The following HFM1 variants were observed in gnomAD, a reference collection of about 807,000 sequenced individuals.
The protein encoded by HFM1 is probable ATP-dependent DNA helicase HFM1.
Under a neutral mutation model 192.1 loss-of-function variants are expected in HFM1, and 169 were observed. That is an observed-to-expected ratio of 0.88 (90% CI 0.78 to 1.00). The LOEUF (loss-of-function observed/expected upper bound fraction) is 1.00. HFM1 is among the 50% of genes least tolerant of loss of function. The pLI is 0.00. For synonymous variants in HFM1, 525 were observed against 537.8 expected (o/e 0.98, Z 0.33); for missense variants, 1,661 against 1,668.0 (o/e 1.00, Z 0.07).
chr1:91,328,672 G>A, intron 20 of HFM1: 1 of 1,597,054 alleles, frequency 6.3e-7, no homozygotes, highest in Non-Finnish European at 8.6e-7. Context: ...AGGCGAGCTG[G>A]CCAAATGCAG....
chr1:91,305,361 T>C (rs1306166380), intron 30 of HFM1, among the ~76,000 whole-genome samples: 1 of 152,180 alleles, frequency 6.6e-6, no homozygotes, highest in Non-Finnish European at 1.5e-5. Flanking sequence ...GTTTTGTAGT[T>C]TTCAGTGTTC....
intron 23 of HFM1, among the ~76,000 whole-genome samples, chr1:91,321,989 G>A (rs554452231): frequency 1.3e-5 from 2 of 152,234 alleles, no homozygotes; most frequent in East Asian, 3.9e-4. Flanking sequence ...CATAACCTTG[G>A]CGAAGTCATA....
chr1:91,266,066 G>C lies in HFM1; in HGVS notation c.3925C>G (p.Leu1309Val), dbSNP rs1160623243. 2 of 1,586,072 alleles carry C rather than the reference G, an allele frequency of 1.3e-6. No individual in the cohort carries two copies. The highest frequency in any genetic ancestry group is 2.3e-5 in the South Asian group (2 of 86,068). Residue 1309 changes from leucine to valine, a missense_variant, in exon 36 of 39, where the codon CTA becomes GTA. By Grantham distance (32) the Leu-to-Val change is conservative (BLOSUM62 1). Transcript: ENST00000370425. The stretch of plus-strand genomic sequence containing the variant: ...TTGCTCTTTGACTCTTGAAGGGGTA[G>C]CTTACTTCCCCTGGTACTTGAACTC... The part of the protein sequence containing the change: ...TLSSSTRGSK[L>V]PLQESKSKFQ...
chr1:91,389,997 C>T (rs1286503811), intron 4 of HFM1, among the ~76,000 whole-genome samples: 2 of 152,330 alleles, frequency 1.3e-5, no homozygotes, highest in Middle Eastern at 3.4e-3. Context: ...TGAAAACACA[C>T]ATTCACACAA....
At chr1:91,366,155 A>C (rs1432404678) in intron 13 of HFM1, among the ~76,000 whole-genome samples, 1 of 152,178 alleles carries the variant, frequency 6.6e-6, no homozygotes, top group Admixed American at 6.5e-5. Context: ...AAATTAGCTA[A>C]TTTGTTCACA....
chr1:91,315,865 G>T lies in HFM1; in HGVS notation c.3090C>A (p.Thr1030=). 6.2e-7 allele frequency: 1 copy of T among 1,611,134 alleles called. No homozygotes were observed. Among genetic ancestry groups the T allele is most frequent in the Non-Finnish European group, 8.5e-7 (1 of 1,177,872 alleles). ...GATTATCTGCGTCACCTATGATTAAGGTAACATAGTGAGAATCCGATGCTG... is the reference window on the plus strand; with the variant it reads ...GATTATCTGCGTCACCTATGATTAATGTAACATAGTGAGAATCCGATGCTG... The part of the protein sequence containing the change: ...KRTASDSHYV[T]LIIGDADNQV... Residue 1030 remains threonine (T), a synonymous_variant, in exon 28 of 39, where the codon ACC becomes ACA. Coordinates refer to ENST00000370425, the MANE Select transcript of HFM1 (RefSeq NM_001017975.6).
intron 13 of HFM1, 79 bp downstream of exon 13, chr1:91,375,279 G>C: frequency 3.1e-6 from 3 of 966,114 alleles, no homozygotes; most frequent in Non-Finnish European, 4.8e-6. Context: ...CAAGGTTATG[G>C]GACAAGCCTA....
intron 21 of HFM1, among the ~76,000 whole-genome samples, chr1:91,323,509 T>C (rs897055951): frequency 5.9e-5 from 9 of 152,152 alleles, no homozygotes; most frequent in Admixed American, 3.3e-4. Context: ...TAGTAATAAA[T>C]AAGTCCTCAA....
At chr1:91,373,902 T>A (rs1660578586) in intron 13 of HFM1, among the ~76,000 whole-genome samples, 1 of 152,086 alleles carries the variant, frequency 6.6e-6, no homozygotes, top group African/African-American at 2.4e-5. Context: ...AGGATGAACA[T>A]GAGTCCCCCT....
At position 91,313,497 on chromosome 1, in the gene HFM1, T is replaced by G. The variant is rs780965851; in HGVS notation, c.3245-2A>C. The G allele has an allele frequency of 6.4e-7, 1 of 1,560,536 alleles. No homozygotes were observed. Among genetic ancestry groups the G allele is most frequent in the Non-Finnish European group, 8.7e-7 (1 of 1,155,526 alleles). Reference sequence around the variant, plus strand: ...GTTTCTGCTGAATATCAAGCCCAACTGGAAAATGAAAAAAAAGTACACAAA... The same window carrying G: ...GTTTCTGCTGAATATCAAGCCCAACGGGAAAATGAAAAAAAAGTACACAAA... On this transcript the variant is annotated splice_acceptor_variant, in intron 29 of 38. Transcript: ENST00000370425. LOFTEE classifies it high-confidence loss of function.
rs375395981 is a variant in HFM1, at chr1:91,342,159, G to A, written c.2335+1271C>T. Among the ~76,000 whole-genome samples, 28 of 98,518 alleles carry A rather than the reference G, an allele frequency of 2.8e-4. 1 individual carries two copies. Among genetic ancestry groups the A allele is most frequent in the African/African-American group, 9.5e-4 (26 of 27,244 alleles). The allele number at this position is 98,518 out of a possible 152,430, so 64.6% of individuals were successfully genotyped here. A position where few individuals can be genotyped will look rare whatever the true frequency, so the allele number is the denominator to read the frequency against. On this transcript the variant is annotated intron_variant, in intron 20 of 38. Coordinates refer to ENST00000370425, the MANE Select transcript of HFM1 (RefSeq NM_001017975.6). ...AAAAAAAAAAAAAAAAAATTCAGGC[G>A]AATATTCCTGATGAACATAGATGCA...
At chr1:91,313,794 T>A (rs1197354973) in intron 29 of HFM1, among the ~76,000 whole-genome samples, 163 bp downstream of exon 29, 1 of 152,112 alleles carries the variant, frequency 6.6e-6, no homozygotes, top group African/African-American at 2.4e-5. Context: ...GTTTTACATA[T>A]CTAAATACAT....
intron 32 of HFM1, among the ~76,000 whole-genome samples, chr1:91,275,855 T>C (rs1043557469): frequency 1.3e-5 from 2 of 152,212 alleles, no homozygotes; most frequent in Non-Finnish European, 2.9e-5. Flanking sequence ...AGAGTGACTT[T>C]TACAAAATAC....
At chr1:91,344,256 A>G (rs1440398175) in intron 19 of HFM1, among the ~76,000 whole-genome samples, 1 of 152,222 alleles carries the variant, frequency 6.6e-6, no homozygotes, top group Non-Finnish European at 1.5e-5. Flanking sequence ...AGTTCAGAGC[A>G]GACAGTGGGA....
intron 6 of HFM1, 60 bp downstream of exon 6, chr1:91,385,127 T>C: frequency 1.0e-6 from 1 of 964,606 alleles, no homozygotes. Context: ...ATTAAACAAA[T>C]GTTTTAAAAT....
intron 28 of HFM1, among the ~76,000 whole-genome samples, chr1:91,314,762 C>T (rs1231613390): frequency 6.6e-6 from 1 of 152,098 alleles, no homozygotes; most frequent in Non-Finnish European, 1.5e-5. Context: ...AGCCAGCAAC[C>T]ATTTTTATGA....
At chr1:91,314,214 T>A (rs560757471) in intron 28 of HFM1, among the ~76,000 whole-genome samples, 154 bp from the exon 29 acceptor site, 23 of 152,312 alleles carry the variant, frequency 1.5e-4, no homozygotes, top group African/African-American at 5.5e-4. Context: ...GGAGGGAGAA[T>A]AAAGTATCAA....
At chr1:91,379,807 G>A (rs917916057) in intron 8 of HFM1, among the ~76,000 whole-genome samples, 4 of 152,038 alleles carry the variant, frequency 2.6e-5, no homozygotes, top group Non-Finnish European at 5.9e-5. Context: ...TAAGAAAGGA[G>A]AGTAAAAGTT....
At chr1:91,370,064 C>T (rs1659950091) in intron 13 of HFM1, among the ~76,000 whole-genome samples, 2 of 152,082 alleles carry the variant, frequency 1.3e-5, no homozygotes, top group South Asian at 4.2e-4. Context: ...TCTGAATAGA[C>T]CAATAACAGG....
Sources: gnomAD v4.1 joint callset for allele counts (sites outside exome capture counted in the v4.1 genomes callset) on GRCh38, gnomAD v4.1.1 for gene constraint, MANE v1.5 for transcripts, NCBI Gene and HGNC (gene_info 2026-07-23, HGNC 2026-07-21) for gene names.